The following ITSN1 variants were observed in gnomAD, a reference collection of about 807,000 sequenced individuals.
The protein encoded by ITSN1 is intersectin-1.
A neutral mutation model predicts 239.8 loss-of-function variants in ITSN1; 58 were observed. The ratio of observed to expected loss-of-function variants is 0.24; its 90% CI spans 0.20 to 0.30. The LOEUF (loss-of-function observed/expected upper bound fraction) is 0.30, where lower values mean the gene tolerates loss of function less well. Among genes scored for constraint, ITSN1 ranks in the 10% least tolerant of loss-of-function variants. ITSN1 has a pLI of 1.00. For missense variants in ITSN1, 1,558 were observed against 2,103.3 expected (o/e 0.74, Z 5.07); for synonymous variants, 780 against 770.8 (o/e 1.01, Z -0.20).
At chr21:33,888,113 A>G (rs1401647371) in intron 39 of ITSN1, 39 bp from the exon 40 acceptor site, 2 of 1,585,860 alleles carry the variant, frequency 1.3e-6, no homozygotes, top group Non-Finnish European at 1.7e-6. Flanking sequence ...AAGAGAGGGA[A>G]TGGTCCCTCT....
intron 9 of ITSN1, among the ~76,000 whole-genome samples, chr21:33,765,183 T>C (rs1300676871): frequency 1.3e-5 from 2 of 152,246 alleles, no homozygotes; most frequent in Non-Finnish European, 1.5e-5. Flanking sequence ...GACCCTTTAC[T>C]GATAGTTTGT....
chr21:33,762,476 G>A (rs2068414379), intron 9 of ITSN1, among the ~76,000 whole-genome samples: 1 of 151,862 alleles, frequency 6.6e-6, no homozygotes, highest in African/African-American at 2.4e-5. Flanking sequence ...TGTTGGTCAG[G>A]CTGGTCTTGA....
intron 1 of ITSN1, among the ~76,000 whole-genome samples, chr21:33,667,023 G>T (rs1433973254): frequency 6.6e-6 from 1 of 151,902 alleles, no homozygotes; most frequent in East Asian, 1.9e-4. Context: ...GCCACATGTT[G>T]CCCAGGCTGA....
intron 4 of ITSN1, among the ~76,000 whole-genome samples, chr21:33,731,867 A>G (rs1429572649): frequency 1.3e-5 from 2 of 152,228 alleles, no homozygotes; most frequent in East Asian, 3.8e-4. Context: ...CAAGCCGAAT[A>G]TGAGTCACCA....
intron 1 of ITSN1, among the ~76,000 whole-genome samples, chr21:33,680,245 T>C (rs893229863): frequency 6.6e-6 from 1 of 152,154 alleles, no homozygotes; most frequent in Non-Finnish European, 1.5e-5. Flanking sequence ...ATTTTCTTTC[T>C]GTTTTTGTTC....
rs757686884 is a variant in ITSN1 at position 33,797,404 on chromosome 21, T to C, written c.1978T>C (p.Trp660Arg). 1 of 1,613,904 alleles carries C rather than the reference T, an allele frequency of 6.2e-7. No individual in the cohort carries two copies. Residue 660 changes from tryptophan (W) to arginine (R), a missense_variant, in exon 18 of 40, where the codon TGG (tryptophan) becomes CGG (arginine). Physicochemically the swap from Trp to Arg is moderately radical, Grantham distance 101 (BLOSUM62 -3). Transcript: ENST00000381318. The surrounding 1 kb of genome is among the most constrained non-coding windows in gnomAD (Gnocchi z 4.9). ...QRRAQERDKQ[W>R]LEHVQQEDEH... ...ACGAGCTCAGGAAAGGGACAAGCAG[T>C]GGCTGGAGCATGTGCAGCAGGAGGA...
At chr21:33,760,647 G>C (rs1000447585) in intron 8 of ITSN1, among the ~76,000 whole-genome samples, 1 of 152,164 alleles carries the variant, frequency 6.6e-6, no homozygotes, top group Non-Finnish European at 1.5e-5. Flanking sequence ...ACTAAGCCAG[G>C]ACTAGAGCCT....
At chr21:33,735,776 G>A (rs2066460943) in intron 5 of ITSN1, 1 of 153,680 alleles carries the variant, frequency 6.5e-6, no homozygotes, top group African/African-American at 2.4e-5. Flanking sequence ...GCTGAGGCAG[G>A]TGGATCACCT....
intron 1 of ITSN1, among the ~76,000 whole-genome samples, chr21:33,704,417 CT>C (rs1432361302): frequency 6.6e-6 from 1 of 152,186 alleles, no homozygotes; most frequent in Non-Finnish European, 1.5e-5. Flanking sequence ...AGGCTAACTA[CT>C]TTGTGCCTCT....
chr21:33,833,327 T>A (rs532287662), intron 27 of ITSN1, among the ~76,000 whole-genome samples: 3 of 152,208 alleles, frequency 2.0e-5, no homozygotes, highest in Non-Finnish European at 4.4e-5. Context: ...CACATGGGCC[T>A]ACGGGTTTGT....
At chr21:33,660,119 TTTATA>T (rs2089438718) in intron 1 of ITSN1, among the ~76,000 whole-genome samples, 1 of 152,160 alleles carries the variant, frequency 6.6e-6, no homozygotes, top group Admixed American at 6.5e-5. Context: ...AGTCCAGGCC[TTTATA>T]TATTTTTTCA....
At chr21:33,718,938 A>G in intron 2 of ITSN1, 82 bp downstream of exon 2, 1 of 1,054,906 alleles carries the variant, frequency 9.5e-7, no homozygotes, top group Non-Finnish European at 1.5e-6. Flanking sequence ...TTTAAAATTA[A>G]AAAGTAGAGA....
chr21:33,772,839 T>C (rs1312125946), intron 12 of ITSN1, among the ~76,000 whole-genome samples: 1 of 152,182 alleles, frequency 6.6e-6, no homozygotes. Flanking sequence ...TACAATTTTG[T>C]AACAAACCAC....
At chr21:33,829,879 GC>G in intron 27 of ITSN1, 134 bp downstream of exon 27, 1 of 1,004,950 alleles carries the variant, frequency 1.0e-6, no homozygotes, top group South Asian at 1.7e-5. Flanking sequence ...AGTGAGAGAT[GC>G]CAAATTTTCT....
chr21:33,653,183 C>T (rs1339611785), intron 1 of ITSN1, among the ~76,000 whole-genome samples: 2 of 151,886 alleles, frequency 1.3e-5, no homozygotes, highest in East Asian at 1.9e-4. Flanking sequence ...TCAGTGGAGA[C>T]GGGGTTTCGC....
At chr21:33,670,043 G>C (rs1350540473) in intron 1 of ITSN1, among the ~76,000 whole-genome samples, 1 of 152,102 alleles carries the variant, frequency 6.6e-6, no homozygotes, top group African/African-American at 2.4e-5. Flanking sequence ...TTTTCCATTA[G>C]AGCAGTAGTT....
chr21:33,845,202 T>G (rs2074952353), intron 29 of ITSN1, among the ~76,000 whole-genome samples: 1 of 151,010 alleles, frequency 6.6e-6, no homozygotes, highest in South Asian at 2.1e-4. Flanking sequence ...GGGCCAGGGA[T>G]CCAGCCGAGA....
intron 29 of ITSN1, 141 bp from the exon 30 acceptor site, chr21:33,856,595 T>C (rs1979389989): frequency 9.1e-7 from 1 of 1,103,318 alleles, no homozygotes; most frequent in African/African-American, 1.6e-5. Context: ...CACATATTAC[T>C]GGGGAGGACA....
chr21:33,830,106 TTTC>T (rs1272399583), intron 27 of ITSN1, among the ~76,000 whole-genome samples: 2 of 152,320 alleles, frequency 1.3e-5, no homozygotes, highest in African/African-American at 2.4e-5. Context: ...CAAGAGCAGA[TTTC>T]TTTGCATTCA....
Sources: gnomAD v4.1 joint callset for allele counts (sites outside exome capture counted in the v4.1 genomes callset) on GRCh38, gnomAD v4.1.1 for gene constraint, Gnocchi (gnomAD v3.1) non-coding constraint, MANE v1.5 for transcripts, NCBI Gene and HGNC (gene_info 2026-07-23, HGNC 2026-07-21) for gene names.